SH3PXD2B: variants seen among roughly 807,000 people sequenced by gnomAD.
The protein encoded by SH3PXD2B is SH3 and PX domain-containing protein 2B.
SH3PXD2B carries 37 observed loss-of-function variants against 73.1 expected under a neutral mutation model. That is an observed-to-expected ratio of 0.51 (90% CI 0.39 to 0.67). SH3PXD2B has a LOEUF of 0.67. Among genes scored for constraint, SH3PXD2B ranks in the 30% least tolerant of loss-of-function variants. The pLI is 0.00. For missense variants in SH3PXD2B, 1,053 were observed against 1,197.8 expected (o/e 0.88, Z 1.78); for synonymous variants, 457 against 480.5 (o/e 0.95, Z 0.64).
intron 1 of SH3PXD2B, among the ~76,000 whole-genome samples, chr5:172,440,271 G>T (rs1436277202): frequency 6.6e-6 from 1 of 152,214 alleles, no homozygotes; most frequent in Non-Finnish European, 1.5e-5. Flanking sequence ...AGATGGCAAA[G>T]TAGCAATCCT....
rs995713919 is a variant in SH3PXD2B at position 172,336,650 on chromosome 5, G to A, written c.*1719C>T. The A allele has an allele frequency of 2.7e-5, 26 of 976,102 alleles. No homozygotes were observed. The highest frequency in any genetic ancestry group is 3.1e-5 in the Non-Finnish European group (26 of 827,922). 60.5% of individuals were successfully genotyped at this position (976,102 alleles called of 1,614,324 possible). A position where few individuals can be genotyped will look rare whatever the true frequency, so the allele number is the denominator to read the frequency against. On this transcript the variant is annotated 3_prime_UTR_variant, in exon 13 of 13. Coordinates refer to ENST00000311601, the MANE Select transcript of SH3PXD2B (RefSeq NM_001017995.3). ...GGCTTTGTGGGTCCAAAAGTATCTCGCCTGATGAACACTGTGAACTGGAGA... is the reference window on the plus strand; with the variant it reads ...GGCTTTGTGGGTCCAAAAGTATCTCACCTGATGAACACTGTGAACTGGAGA...
Position 172,339,284 on chromosome 5 carries a change from C to T in SH3PXD2B, c.1821G>A (p.Val607=), listed in dbSNP as rs1405465843. The T allele has an allele frequency of 1.2e-6, 2 of 1,614,196 alleles. No individual in the cohort carries two copies. Among genetic ancestry groups the T allele is most frequent in the South Asian group, 2.2e-5 (2 of 91,088 alleles). Residue 607 remains valine (V), a synonymous_variant, in exon 13 of 13, where the codon GTG becomes GTA. Transcript: ENST00000311601. This position sits in a 1 kb window ranked among gnomAD's most constrained non-coding sequence, Gnocchi z 6.1. ...ECGHKVLAKE[V]KKPNLRPISK... is the part of the protein sequence containing the mutation. ...AGATGGGCCGGAGGTTGGGCTTCTTCACTTCCTTGGCCAAGACCTTGTGGC... is the reference window on the plus strand; with the variant it reads ...AGATGGGCCGGAGGTTGGGCTTCTTTACTTCCTTGGCCAAGACCTTGTGGC...
intron 10 of SH3PXD2B, among the ~76,000 whole-genome samples, chr5:172,348,642 CTATCTATCTATCCTATCTATCTAT>C (rs1445289900): frequency 6.2e-4 from 42 of 67,498 alleles, no homozygotes; most frequent in Non-Finnish European, 1.0e-3. Context: ...ATCTATGTAT[CTATCTATCTATCCTATCTATCTAT>C]CTATCTATCT....
At chr5:172,434,356 C>G (rs1235694233) in intron 1 of SH3PXD2B, among the ~76,000 whole-genome samples, 2 of 152,162 alleles carry the variant, frequency 1.3e-5, no homozygotes, top group Admixed American at 6.5e-5. Context: ...CCTCTGCAAG[C>G]CCCCGGCACC....
intron 8 of SH3PXD2B, among the ~76,000 whole-genome samples, chr5:172,356,007 C>T (rs532160028): frequency 6.6e-6 from 1 of 152,190 alleles, no homozygotes; most frequent in South Asian, 2.1e-4. Flanking sequence ...AGCCTTTGTC[C>T]CCATGGCTTA....
chr5:172,429,903 T>C (rs762607307), intron 1 of SH3PXD2B, among the ~76,000 whole-genome samples: 15 of 152,126 alleles, frequency 9.9e-5, no homozygotes, highest in Non-Finnish European at 1.9e-4. Context: ...CTGCTCACCC[T>C]CCTAACTGTC....
intron 1 of SH3PXD2B, among the ~76,000 whole-genome samples, chr5:172,426,309 C>A (rs1395858106): frequency 6.6e-6 from 1 of 152,216 alleles, no homozygotes; most frequent in Non-Finnish European, 1.5e-5. Context: ...GGTGAGAGAG[C>A]ACACACCCTG....
chr5:172,381,580 A>C (rs2113371669), intron 5 of SH3PXD2B, among the ~76,000 whole-genome samples: 1 of 151,046 alleles, frequency 6.6e-6, no homozygotes, highest in East Asian at 2.0e-4. Flanking sequence ...CATTTTGGAG[A>C]GCTTCGGAGC....
Position 172,408,534 on chromosome 5 carries a change from C to CTTTTTTTTTTTTTT in SH3PXD2B, c.157-2196_157-2183dup, listed in dbSNP as rs34377327. On this transcript the variant is annotated intron_variant, in intron 2 of 12. Coordinates refer to ENST00000311601, the MANE Select transcript of SH3PXD2B (RefSeq NM_001017995.3). Reference sequence around the variant, plus strand: ...TTCTTTTGTGTGCTTTGGGTTATCACTTTTTTTTTTTTTTTTTTTTTGAGA... The same window carrying CTTTTTTTTTTTTTT: ...TTCTTTTGTGTGCTTTGGGTTATCACTTTTTTTTTTTTTTTTTTTTTTTTTTTTTTTTTTTGAGA... 2.3e-4 allele frequency among the ~76,000 whole-genome samples: 21 copies of CTTTTTTTTTTTTTT among 92,664 alleles called. 2 individuals carry two copies. Among genetic ancestry groups the CTTTTTTTTTTTTTT allele is most frequent in the African/African-American group, 9.0e-4 (18 of 20,032 alleles). 60.8% of individuals were successfully genotyped at this position (92,664 alleles called of 152,430 possible).
intron 2 of SH3PXD2B, among the ~76,000 whole-genome samples, chr5:172,412,378 A>T (rs1758720469): frequency 1.3e-5 from 2 of 152,078 alleles, no homozygotes; most frequent in South Asian, 2.1e-4. Flanking sequence ...CAATTTAAAA[A>T]TTTTCTTTAA....
In SH3PXD2B at chr5:172,350,473, T is replaced by A; in HGVS notation, c.902A>T (p.Asp301Val). The A allele has an allele frequency of 1.9e-6, 3 of 1,613,970 alleles. No individual in the cohort carries two copies. Among genetic ancestry groups the A allele is most frequent in the East Asian group, 2.2e-5 (1 of 44,868 alleles). The change falls in exon 10 of 13, where the codon GAT becomes GTT. Residue 301 changes from aspartate (D) to valine (V), a missense_variant. By Grantham distance (152) the Asp-to-Val change is radical. Transcript: ENST00000311601. ...CGCGTTCTGCTGCCGGGAAACACCA[T>A]CCAAGTCAAGGGCACCCGGGTGGGA... Reference protein sequence around the residue: ...SPSHPGALDLDGVSRQQNAVG... With the variant: ...SPSHPGALDLVGVSRQQNAVG...
At chr5:172,368,484 A>AT (rs1757582816) in intron 6 of SH3PXD2B, among the ~76,000 whole-genome samples, 1 of 19,706 alleles carries the variant, frequency 5.1e-5, no homozygotes, top group Non-Finnish European at 7.7e-5. Context: ...ATATATATAA[A>AT]ATATATATAT....
intron 4 of SH3PXD2B, among the ~76,000 whole-genome samples, chr5:172,390,106 A>C (rs974984243): frequency 3.3e-5 from 5 of 152,218 alleles, no homozygotes; most frequent in African/African-American, 1.2e-4. Flanking sequence ...TTATTTGGTA[A>C]ATTACAGAGT....
Position 172,429,774 on chromosome 5 carries a change from T to C in SH3PXD2B, c.76-7278A>G, listed in dbSNP as rs544743029. 2.6e-5 allele frequency among the ~76,000 whole-genome samples: 4 copies of C among 152,286 alleles called. No homozygotes were observed. The East Asian group carries it at 7.7e-4, about 29-fold the overall frequency. On this transcript the variant is annotated intron_variant, in intron 1 of 12. Transcript: ENST00000311601. ...AAAGGACGGAGGCTCAGAAGTACAG[T>C]GCCTACAGTTGCACAGCTATGACGT...
chr5:172,410,239 A>C (rs2113439054), intron 2 of SH3PXD2B, among the ~76,000 whole-genome samples: 1 of 152,312 alleles, frequency 6.6e-6, no homozygotes, highest in African/African-American at 2.4e-5. Flanking sequence ...CATGGTGGCT[A>C]TACTAGTTTA....
intron 4 of SH3PXD2B, among the ~76,000 whole-genome samples, chr5:172,385,271 T>C (rs80322116): frequency 0.068 from 10,412 of 152,126 alleles, 496 homozygotes; most frequent in South Asian, 0.2. Flanking sequence ...AAATATCTTG[T>C]GGCTTCCCCC....
chr5:172,434,818 C>G (rs1759334830), intron 1 of SH3PXD2B, among the ~76,000 whole-genome samples: 1 of 123,606 alleles, frequency 8.1e-6, no homozygotes, highest in Admixed American at 8.3e-5. Context: ...GAGTCTCGTT[C>G]TCTTGCCCAG....
rs1199916551 is a variant in SH3PXD2B, at chr5:172,425,129, CAAG to C, written c.76-2636_76-2634del. Reference sequence around the variant, plus strand: ...TCAACAGTCCTGATGTTTTACTTAACAAGAAGACTTCAAATCTGTTTCTTAGCT... The same window carrying C: ...TCAACAGTCCTGATGTTTTACTTAACAAGACTTCAAATCTGTTTCTTAGCT... On this transcript the variant is annotated intron_variant, in intron 1 of 12. Transcript: ENST00000311601. 2.0e-5 allele frequency among the ~76,000 whole-genome samples: 3 copies of C among 152,196 alleles called. No homozygotes were observed. The East Asian group carries it at 5.8e-4, about 29-fold the overall frequency.
Position 172,353,766 on chromosome 5 carries a change from C to T in SH3PXD2B, c.785+122G>A, listed in dbSNP as rs767275144. 2.9e-5 allele frequency: 23 copies of T among 800,862 alleles called. No individual in the cohort carries two copies. Among genetic ancestry groups the T allele is most frequent in the East Asian group, 1.5e-4 (6 of 41,086 alleles). The allele number at this position is 800,862 out of a possible 1,614,324, so 49.6% of individuals were successfully genotyped here. A position where few individuals can be genotyped will look rare whatever the true frequency, so the allele number is the denominator to read the frequency against. On this transcript the variant is annotated intron_variant, in intron 9 of 12. Transcript: ENST00000311601. The surrounding 1 kb of genome is among the most constrained non-coding windows in gnomAD (Gnocchi z 4.3). ...GAGAAGTATCCTTTTATGGTTCAGG[C>T]GGAAACTTCGCCCAGATGCAATCAC...
Sources: gnomAD v4.1 joint callset for allele counts (sites outside exome capture counted in the v4.1 genomes callset) on GRCh38, gnomAD v4.1.1 for gene constraint, Gnocchi (gnomAD v3.1) non-coding constraint, MANE v1.5 for transcripts, NCBI Gene and HGNC (gene_info 2026-07-23, HGNC 2026-07-21) for gene names.